Variants in MTUS2 observed in about 807,000 individuals in gnomAD.
The protein encoded by MTUS2 is microtubule associated scaffold protein 2.
Under a neutral mutation model 114.1 loss-of-function variants are expected in MTUS2, and 40 were observed. That is an observed-to-expected ratio of 0.35 (90% CI 0.27 to 0.46). MTUS2 has a LOEUF of 0.46. Among genes scored for constraint, MTUS2 ranks in the 20% least tolerant of loss-of-function variants. The pLI, the probability that MTUS2 is intolerant of heterozygous loss-of-function variation, is 1.00. For missense variants in MTUS2, 1,679 were observed against 1,705.4 expected (o/e 0.98, Z 0.27); for synonymous variants, 688 against 672.0 (o/e 1.02, Z -0.37).
chr13:29,386,345 A>G (rs995465515), intron 8 of MTUS2, among the ~76,000 whole-genome samples: 1 of 152,208 alleles, frequency 6.6e-6, no homozygotes, highest in Non-Finnish European at 1.5e-5. Flanking sequence ...GGGATGGAAC[A>G]TTTCTAAGAG....
chr13:28,931,391 A>T (rs1881608600), intron 2 of MTUS2, among the ~76,000 whole-genome samples: 2 of 152,162 alleles, frequency 1.3e-5, no homozygotes, highest in Admixed American at 1.3e-4. Context: ...TCATGGGGGC[A>T]GTTTCCCCCA....
chr13:29,335,246 A>T (rs942474218), intron 7 of MTUS2, among the ~76,000 whole-genome samples: 3 of 152,168 alleles, frequency 2.0e-5, no homozygotes, highest in Non-Finnish European at 4.4e-5. Context: ...ACGGTCGTAG[A>T]TAAGGGATGA....
chr13:29,081,017 G>T (rs1023197518), intron 4 of MTUS2, among the ~76,000 whole-genome samples: 2 of 152,114 alleles, frequency 1.3e-5, no homozygotes, highest in African/African-American at 2.4e-5. Context: ...GAGCCAACGC[G>T]CCTGGCCCCA....
chr13:28,852,904 C>CATACATACATACATAT (rs1177703422), intron 2 of MTUS2, among the ~76,000 whole-genome samples: 5 of 148,432 alleles, frequency 3.4e-5, no homozygotes, highest in East Asian at 2.0e-4. Flanking sequence ...GTCTTAAATA[C>CATACATACATACATAT]ATACATACAT....
At chr13:28,973,290 T>C (rs899019220) in intron 2 of MTUS2, among the ~76,000 whole-genome samples, 5 of 152,176 alleles carry the variant, frequency 3.3e-5, no homozygotes, top group Non-Finnish European at 7.3e-5. Flanking sequence ...TCCATGGACA[T>C]GAGAGGTATC....
chr13:28,998,599 C>G lies in MTUS2; in HGVS notation c.-242-25858C>G, dbSNP rs570104470. Among the ~76,000 whole-genome samples, 12 of 152,236 alleles carry G rather than the reference C, an allele frequency of 7.9e-5. 1 individual carries two copies. The South Asian group carries it at 2.5e-3, about 32-fold the overall frequency. ...GAGGCTTTATTCATTTCTTTTTATT[C>G]TTTTTTCTCTAAACTTCTCTTCACG... On this transcript the variant is annotated intron_variant, in intron 2 of 15. Coordinates refer to ENST00000612955, the MANE Select transcript of MTUS2 (RefSeq NM_001033602.4).
At position 29,435,764 on chromosome 13, in the gene MTUS2, A is replaced by G. The variant is rs952725874; in HGVS notation, c.3118-4219A>G. On this transcript the variant is annotated intron_variant, in intron 8 of 15. Transcript: ENST00000612955. ...AACTTACTTTATGCAGAGGATTCAT[A>G]AATTAGAAGAGTTGATATCATTTCA... 3.3e-5 allele frequency among the ~76,000 whole-genome samples: 5 copies of G among 152,222 alleles called. No individual in the cohort carries two copies. The South Asian group carries it at 6.2e-4, about 19-fold the overall frequency.
chr13:29,261,679 T>A (rs1381889210), intron 5 of MTUS2, among the ~76,000 whole-genome samples: 1 of 152,192 alleles, frequency 6.6e-6, no homozygotes, highest in Non-Finnish European at 1.5e-5. Context: ...TTCAGCAGAA[T>A]TTAAATTGGG....
At chr13:29,043,942 A>G (rs1184937396) in intron 4 of MTUS2, among the ~76,000 whole-genome samples, 1 of 152,114 alleles carries the variant, frequency 6.6e-6, no homozygotes, top group Non-Finnish European at 1.5e-5. Context: ...ACTTCTAGAT[A>G]TATTATGAAT....
rs777905763 is a variant in MTUS2, at chr13:28,833,341, A to T, written c.-315-6437A>T. On this transcript the variant is annotated intron_variant, in intron 1 of 15. Transcript: ENST00000612955. ...ATACTACCAAACAGAAATCAGCAACATATAAAAAGGTTTGTATACCGTGAC... is the reference window on the plus strand; with the variant it reads ...ATACTACCAAACAGAAATCAGCAACTTATAAAAAGGTTTGTATACCGTGAC... 3.3e-5 allele frequency among the ~76,000 whole-genome samples: 5 copies of T among 152,284 alleles called. 1 individual carries two copies. In the South Asian group the frequency reaches 1.0e-3, roughly 32 times the overall value.
chr13:29,316,610 G>A (rs1900001166), intron 6 of MTUS2, among the ~76,000 whole-genome samples: 1 of 152,196 alleles, frequency 6.6e-6, no homozygotes, highest in Non-Finnish European at 1.5e-5. Context: ...TGAGCAGGCA[G>A]GCAGTAGAAC....
chr13:28,820,666 C>T (rs1178205807), intron 1 of MTUS2, 55 bp downstream of exon 1: 10 of 152,128 alleles, frequency 6.6e-5, no homozygotes, highest in Admixed American at 3.3e-4. Context: ...CTGCTGCCGC[C>T]CTCTGGACCC....
chr13:28,964,098 A>G (rs1267209931), intron 2 of MTUS2, among the ~76,000 whole-genome samples: 2 of 152,230 alleles, frequency 1.3e-5, no homozygotes, highest in African/African-American at 4.8e-5. Flanking sequence ...TTATTAGGCT[A>G]ATTGTTTAAT....
chr13:28,926,932 GTGTT>G (rs1881358345), intron 2 of MTUS2, among the ~76,000 whole-genome samples: 1 of 152,142 alleles, frequency 6.6e-6, no homozygotes, highest in Non-Finnish European at 1.5e-5. Flanking sequence ...ATTTTGATGT[GTGTT>G]TGTTCTTGGA....
intron 5 of MTUS2, among the ~76,000 whole-genome samples, chr13:29,126,620 AT>A (rs1165702104): frequency 1.3e-5 from 2 of 148,884 alleles, no homozygotes; most frequent in African/African-American, 4.9e-5. Context: ...ACCTTATGAG[AT>A]TTTTTTGTGA....
chr13:28,996,583 A>G (rs1326426722), intron 2 of MTUS2, among the ~76,000 whole-genome samples: 1 of 152,142 alleles, frequency 6.6e-6, no homozygotes, highest in African/African-American at 2.4e-5. Context: ...AGAGCCTGTT[A>G]TCGGTCTATT....
At chr13:28,962,209 A>G (rs939616125) in intron 2 of MTUS2, among the ~76,000 whole-genome samples, 9 of 152,044 alleles carry the variant, frequency 5.9e-5, no homozygotes, top group Admixed American at 2.0e-4. Context: ...GTGTATGTGT[A>G]TATATATGAT....
At chr13:28,888,753 GATT>G (rs981216413) in intron 2 of MTUS2, among the ~76,000 whole-genome samples, 17 of 152,214 alleles carry the variant, frequency 1.1e-4, no homozygotes, top group African/African-American at 3.9e-4. Context: ...GGATGCTGTT[GATT>G]ATTATTCTGC....
At chr13:28,833,516 G>A (rs1405802409) in intron 1 of MTUS2, among the ~76,000 whole-genome samples, 1 of 152,036 alleles carries the variant, frequency 6.6e-6, no homozygotes, top group Admixed American at 6.6e-5. Flanking sequence ...AATTCAAACA[G>A]CACTTCATGA....
Sources: allele counts gnomAD v4.1 joint callset (sites outside exome capture counted in the v4.1 genomes callset), GRCh38; gene constraint gnomAD v4.1.1; transcripts MANE v1.5; gene names NCBI Gene and HGNC (gene_info 2026-07-23, HGNC 2026-07-21).